Variants in SLC35F3 observed in about 807,000 individuals in gnomAD.
The protein encoded by SLC35F3 is solute carrier family 35 member F3, also known as putative thiamine transporter SLC35F3.
Under a neutral mutation model 49.9 loss-of-function variants are expected in SLC35F3, and 25 were observed. The observed-to-expected ratio is 0.50, with a 90% CI of 0.37 to 0.70. The LOEUF (loss-of-function observed/expected upper bound fraction) is 0.70, where lower values mean the gene tolerates loss of function less well. Ranked by LOEUF, SLC35F3 falls within the 30% of genes least tolerant of loss-of-function variation. The pLI is 0.00. For synonymous variants in SLC35F3, 275 were observed against 265.4 expected (o/e 1.04, Z -0.35); for missense variants, 525 against 639.8 (o/e 0.82, Z 1.94).
chr1:234,262,539 C>G (rs1667920862), intron 3 of SLC35F3, among the ~76,000 whole-genome samples: 1 of 152,160 alleles, frequency 6.6e-6, no homozygotes, highest in African/African-American at 2.4e-5. Flanking sequence ...AGAAACAGTT[C>G]CACTTCCTTC....
intron 2 of SLC35F3, among the ~76,000 whole-genome samples, chr1:233,999,602 T>C (rs1663518191): frequency 6.6e-6 from 1 of 152,108 alleles, no homozygotes; most frequent in Non-Finnish European, 1.5e-5. Context: ...GCTTCCCATC[T>C]TCAGTGCCTC....
intron 2 of SLC35F3, among the ~76,000 whole-genome samples, chr1:234,031,288 T>C (rs1402049435): frequency 6.6e-6 from 1 of 152,184 alleles, no homozygotes; most frequent in African/African-American, 2.4e-5. Context: ...ATTGTTTCTC[T>C]GGAGATGATA....
chr1:234,113,835 C>T (rs1665444514), intron 2 of SLC35F3, among the ~76,000 whole-genome samples: 1 of 152,164 alleles, frequency 6.6e-6, no homozygotes, highest in Admixed American at 6.5e-5. Context: ...TGCACTCCAG[C>T]CTGGGCAGCA....
chr1:234,219,432 C>T (rs1447362414), intron 2 of SLC35F3, among the ~76,000 whole-genome samples: 1 of 152,166 alleles, frequency 6.6e-6, no homozygotes, highest in East Asian at 1.9e-4. Context: ...AAATATTTTA[C>T]CTAATATACG....
At chr1:234,192,086 A>T (rs1203516576) in intron 2 of SLC35F3, among the ~76,000 whole-genome samples, 1 of 152,192 alleles carries the variant, frequency 6.6e-6, no homozygotes, top group Non-Finnish European at 1.5e-5. Flanking sequence ...AGAAAGAGGG[A>T]ATCCTCCTAA....
At chr1:234,074,761 G>A (rs1664770164) in intron 2 of SLC35F3, among the ~76,000 whole-genome samples, 1 of 152,208 alleles carries the variant, frequency 6.6e-6, no homozygotes, top group Non-Finnish European at 1.5e-5. Context: ...ACTGAGTGAG[G>A]TTAGGGCAAA....
At position 234,027,406 on chromosome 1, in the gene SLC35F3, C is replaced by T. The variant is rs1275464344; in HGVS notation, c.283+121648C>T. ...AACTGAAGCCTGGCAGTGGCCACCACCCGCAGCTGAGGAAAACTGCCTGGA... is the reference window on the plus strand; with the variant it reads ...AACTGAAGCCTGGCAGTGGCCACCATCCGCAGCTGAGGAAAACTGCCTGGA... On this transcript the variant is annotated intron_variant, in intron 2 of 7. Transcript: ENST00000366618. The surrounding 1 kb of genome is among the most constrained non-coding windows in gnomAD (Gnocchi z 4.1). 6.6e-6 allele frequency among the ~76,000 whole-genome samples: 1 copy of T among 152,226 alleles called. No individual in the cohort carries two copies. Among genetic ancestry groups the T allele is most frequent in the Non-Finnish European group, 1.5e-5 (1 of 68,050 alleles).
chr1:234,037,035 C>T (rs1340039706), intron 2 of SLC35F3, among the ~76,000 whole-genome samples: 2 of 152,098 alleles, frequency 1.3e-5, no homozygotes, highest in East Asian at 1.9e-4. Flanking sequence ...TAAGCCTACT[C>T]GATGTTAGAT....
intron 2 of SLC35F3, among the ~76,000 whole-genome samples, chr1:234,101,059 A>G (rs2102882323): frequency 6.6e-6 from 1 of 151,938 alleles, no homozygotes; most frequent in East Asian, 1.9e-4. Context: ...CTCCTCCCAT[A>G]CCTTTCCCTC....
At chr1:234,295,843 C>T (rs899953662) in intron 3 of SLC35F3, among the ~76,000 whole-genome samples, 2 of 152,206 alleles carry the variant, frequency 1.3e-5, no homozygotes, top group East Asian at 1.9e-4. Flanking sequence ...CTGACGGGCA[C>T]CCTCAGATCT....
intron 2 of SLC35F3, among the ~76,000 whole-genome samples, chr1:234,145,572 C>CG: frequency 6.6e-6 from 1 of 151,930 alleles, no homozygotes; most frequent in East Asian, 1.9e-4. Context: ...CAAAAATATT[C>CG]GGGAAAAAAA....
chr1:234,065,259 G>C (rs1664600714), intron 2 of SLC35F3, among the ~76,000 whole-genome samples: 2 of 152,026 alleles, frequency 1.3e-5, no homozygotes, highest in African/African-American at 4.8e-5. Flanking sequence ...GGATTCTCCT[G>C]CCTCAGCCTC....
At chr1:233,978,085 G>A (rs995655455) in intron 2 of SLC35F3, among the ~76,000 whole-genome samples, 15 of 152,178 alleles carry the variant, frequency 9.9e-5, no homozygotes, top group African/African-American at 3.1e-4. Context: ...GATGTCCCAC[G>A]TGCTTGACTC....
chr1:234,322,948 T>C, intron 7 of SLC35F3, 60 bp from the exon 8 acceptor site: 1 of 1,476,650 alleles, frequency 6.8e-7, no homozygotes, highest in Admixed American at 1.7e-5. Flanking sequence ...CCCTGCCCAC[T>C]CTCCAGGGAC....
At chr1:234,300,894 C>T (rs1449182441) in intron 3 of SLC35F3, among the ~76,000 whole-genome samples, 2 of 152,138 alleles carry the variant, frequency 1.3e-5, no homozygotes, top group Admixed American at 1.3e-4. Flanking sequence ...AGGGCATGGG[C>T]CAGGGTACTG....
At chr1:234,300,530 A>G (rs1340049594) in intron 3 of SLC35F3, among the ~76,000 whole-genome samples, 1 of 152,262 alleles carries the variant, frequency 6.6e-6, no homozygotes, top group Non-Finnish European at 1.5e-5. Context: ...AAGCAAAAGT[A>G]TAACAACCAC....
intron 2 of SLC35F3, among the ~76,000 whole-genome samples, chr1:234,129,470 C>A (rs1020964862): frequency 6.6e-6 from 1 of 152,180 alleles, no homozygotes; most frequent in Non-Finnish European, 1.5e-5. Flanking sequence ...AAAAGATACA[C>A]CATGTTTATG....
At position 234,147,598 on chromosome 1, in the gene SLC35F3, G is replaced by A. The variant is rs9435572; in HGVS notation, c.284-83819G>A. On this transcript the variant is annotated intron_variant, in intron 2 of 7. Transcript: ENST00000366618. ...AAGCTCATGTTTCTTTGGGAGAATC[G>A]GTTACTCTGGTAATTTTTTGGATAA... is the stretch of plus-strand genomic sequence containing the variant. Among the ~76,000 whole-genome samples, 507 of 152,170 alleles carry A rather than the reference G, an allele frequency of 3.3e-3. 5 individuals are homozygous for A. Among genetic ancestry groups the A allele is most frequent in the African/African-American group, 0.012 (491 of 41,512 alleles).
At chr1:234,279,768 TCA>T (rs2102980182) in intron 3 of SLC35F3, among the ~76,000 whole-genome samples, 1 of 152,312 alleles carries the variant, frequency 6.6e-6, no homozygotes, top group African/African-American at 2.4e-5. Context: ...AAAGCCTGCC[TCA>T]CAGTGGAGAA....
Sources: allele counts gnomAD v4.1 joint callset (sites outside exome capture counted in the v4.1 genomes callset), GRCh38; gene constraint gnomAD v4.1.1; non-coding constraint Gnocchi (gnomAD v3.1); transcripts MANE v1.5; gene names NCBI Gene and HGNC (gene_info 2026-07-23, HGNC 2026-07-21).